The following COBLL1 variants were observed in gnomAD, a reference collection of about 807,000 sequenced individuals.
The protein encoded by COBLL1 is cordon-bleu protein-like 1.
In COBLL1, 50 loss-of-function variants were observed where a neutral mutation model predicts 94.8. The observed-to-expected ratio is 0.53, with a 90% CI of 0.42 to 0.67. The LOEUF (loss-of-function observed/expected upper bound fraction) is 0.67, where lower values mean the gene tolerates loss of function less well. Among genes scored for constraint, COBLL1 ranks in the 30% least tolerant of loss-of-function variants. The pLI is 0.00. For missense variants in COBLL1, 1,362 were observed against 1,348.7 expected, an observed-to-expected ratio of 1.01 and a Z score of -0.15; for synonymous variants, 448 against 473.8, an observed-to-expected ratio of 0.95 and a Z score of 0.71.
chr2:164,834,252 G>A (rs956949310), intron 2 of COBLL1, among the ~76,000 whole-genome samples: 4 of 152,084 alleles, frequency 2.6e-5, no homozygotes, highest in African/African-American at 9.7e-5. Context: ...TCTACCTTTG[G>A]TCCATTTCCT....
At chr2:164,822,719 T>A (rs1685223958) in intron 2 of COBLL1, among the ~76,000 whole-genome samples, 1 of 137,092 alleles carries the variant, frequency 7.3e-6, no homozygotes. Flanking sequence ...GTAAGCTCTC[T>A]GAAAAGATTA....
intron 7 of COBLL1, among the ~76,000 whole-genome samples, chr2:164,710,469 A>G (rs576260933): frequency 6.2e-4 from 94 of 152,316 alleles, no homozygotes; most frequent in African/African-American, 2.2e-3. Context: ...TTTAAGTAAT[A>G]TTTAAGTAAT....
At chr2:164,736,834 G>T (rs1483734650) in intron 3 of COBLL1, among the ~76,000 whole-genome samples, 2 of 152,146 alleles carry the variant, frequency 1.3e-5, no homozygotes, top group Admixed American at 1.3e-4. Context: ...TGCACATATA[G>T]ATGGGTGTAC....
At chr2:164,721,687 A>T (rs929422212) in intron 7 of COBLL1, 1 of 153,338 alleles carries the variant, frequency 6.5e-6, no homozygotes, top group Non-Finnish European at 1.5e-5. Context: ...CAACTCAAAG[A>T]CTGTGTTACT....
At chr2:164,699,273 A>G (rs1684111802) in intron 11 of COBLL1, 132 bp downstream of exon 11, 1 of 666,816 alleles carries the variant, frequency 1.5e-6, no homozygotes, top group Admixed American at 2.2e-5. Flanking sequence ...AGTACCCATA[A>G]TATCCATAAA....
intron 13 of COBLL1, among the ~76,000 whole-genome samples, chr2:164,690,251 CATTTTTAGTGAA>C (rs1368159515): frequency 6.6e-6 from 1 of 151,924 alleles, no homozygotes; most frequent in African/African-American, 2.4e-5. Flanking sequence ...ATACTATGTC[CATTTTTAGTGAA>C]ATGAGATGGA....
intron 1 of COBLL1, among the ~76,000 whole-genome samples, chr2:164,668,510 C>T (rs918590751): frequency 6.6e-6 from 1 of 152,204 alleles, no homozygotes; most frequent in Non-Finnish European, 1.5e-5. Context: ...TGCTGTCTTA[C>T]ATTTTACAAT....
chr2:164,786,194 T>G (rs1688947624), intron 2 of COBLL1, among the ~76,000 whole-genome samples: 1 of 152,216 alleles, frequency 6.6e-6, no homozygotes, highest in African/African-American at 2.4e-5. Context: ...ACACTCTGTT[T>G]GGAGTCTTTT....
At chr2:164,788,223 G>A (rs1050440371) in intron 2 of COBLL1, among the ~76,000 whole-genome samples, 3 of 152,106 alleles carry the variant, frequency 2.0e-5, no homozygotes, top group Non-Finnish European at 2.9e-5. Flanking sequence ...TTGGCCACTC[G>A]GTTAAATCTA....
chr2:164,803,178 A>G (rs1265136904), intron 2 of COBLL1, among the ~76,000 whole-genome samples: 1 of 152,210 alleles, frequency 6.6e-6, no homozygotes, highest in Non-Finnish European at 1.5e-5. Context: ...TATTTTATGT[A>G]TGTCAGTTTA....
chr2:164,694,550 G>T lies in COBLL1; in HGVS notation c.2842C>A (p.Pro948Thr). The change falls in exon 12 of 14, where the codon CCT becomes ACT. Residue 948 changes from proline (P) to threonine (T), a missense_variant. Transcript: ENST00000652658. Reference protein sequence around the residue: ...VIGQAPAEASPPPIAPKPVTI... With the variant: ...VIGQAPAEASTPPIAPKPVTI... ...ACAGGTTTTGGAGCTATGGGAGGAGGGGAGGCTTCAGCAGGAGCCTGACCG... is the reference window on the plus strand; with the variant it reads ...ACAGGTTTTGGAGCTATGGGAGGAGTGGAGGCTTCAGCAGGAGCCTGACCG... 1 of 1,613,958 alleles carries T rather than the reference G, an allele frequency of 6.2e-7. No individual in the cohort carries two copies.
chr2:164,737,738 C>G (rs187733022), intron 3 of COBLL1, among the ~76,000 whole-genome samples: 122 of 152,224 alleles, frequency 8.0e-4, no homozygotes, highest in Non-Finnish European at 2.1e-4. Flanking sequence ...CAGCAAAAAT[C>G]CCACACCGAT....
At position 164,806,585 on chromosome 2, in the gene COBLL1, C is replaced by T. The variant is rs534948172; in HGVS notation, c.41+34571G>A. 3.3e-4 allele frequency among the ~76,000 whole-genome samples: 50 copies of T among 152,238 alleles called. No homozygotes were observed. In the East Asian group the frequency reaches 4.0e-3, roughly 12 times the overall value. Reference sequence around the variant, plus strand: ...TGCCTTCCTTAGATGACTTAATACGCTTGTTTCTATAAATGACCCCAGAGC... The same window carrying T: ...TGCCTTCCTTAGATGACTTAATACGTTTGTTTCTATAAATGACCCCAGAGC... On this transcript the variant is annotated intron_variant, in intron 2 of 13. Transcript: ENST00000652658.
At chr2:164,732,287 T>G (rs750771415) in intron 3 of COBLL1, among the ~76,000 whole-genome samples, 54 of 152,236 alleles carry the variant, frequency 3.5e-4, no homozygotes, top group Non-Finnish European at 4.0e-4. Context: ...TTTACATCCT[T>G]CTTTTGAGCC....
At chr2:164,771,975 A>C (rs955068486) in intron 2 of COBLL1, 7 of 152,104 alleles carry the variant, frequency 4.6e-5, no homozygotes, top group African/African-American at 1.7e-4. Flanking sequence ...ATGGTTCAGT[A>C]ATTTGCTTTC....
chr2:164,833,334 A>C (rs955989649), intron 2 of COBLL1, among the ~76,000 whole-genome samples: 2 of 152,226 alleles, frequency 1.3e-5, no homozygotes, highest in African/African-American at 4.8e-5. Context: ...AGCCTGGGCC[A>C]CAGAGCAAGA....
At chr2:164,693,852 A>G (rs1381642009) in intron 12 of COBLL1, among the ~76,000 whole-genome samples, 1 of 152,158 alleles carries the variant, frequency 6.6e-6, no homozygotes, top group Non-Finnish European at 1.5e-5. Context: ...CTAGCCTCTC[A>G]TACTATTATT....
At position 164,841,176 on chromosome 2, in the gene COBLL1, G is replaced by A; in HGVS notation, c.21C>T (p.Arg7=). 4.1e-6 allele frequency: 5 copies of A among 1,231,838 alleles called. No individual in the cohort carries two copies. The highest frequency in any genetic ancestry group is 5.1e-6 in the Non-Finnish European group (5 of 988,484). 76.3% of individuals were successfully genotyped at this position (1,231,838 alleles called of 1,614,324 possible). ...CTTACCTGGCTGGGGCGTCCTGCGG[G>A]CGCGGGGTTCGGCCGTCCATCGCCC... MDGRTP[R]PQDAPARRKP... is the part of the protein sequence containing the mutation. The change falls in exon 2 of 14, where the codon CGC becomes CGT. Residue 7 remains arginine (R), a synonymous_variant. Coordinates refer to ENST00000652658, the MANE Select transcript of COBLL1 (RefSeq NM_001365672.2). This position sits in a 1 kb window ranked among gnomAD's most constrained non-coding sequence, Gnocchi z 5.5.
chr2:164,705,017 C>T lies in COBLL1; in HGVS notation c.1085G>A (p.Arg362Gln), dbSNP rs1457948271. The change falls in exon 8 of 14, where the codon CGA becomes CAA. Residue 362 changes from arginine to glutamine, a missense_variant. Physicochemically the swap from Arg to Gln is conservative, Grantham distance 43. Coordinates refer to ENST00000652658, the MANE Select transcript of COBLL1 (RefSeq NM_001365672.2). ...TTTGGAGGGTGGGGAAGGTGCTTTT[C>T]GCTTTGTCCTTCTCAAAGATGAATT... ...AGNSSLRRTKRKAPSPPSKIP... is the reference protein window; with the variant it reads ...AGNSSLRRTKQKAPSPPSKIP... The T allele has an allele frequency of 2.9e-5, 46 of 1,605,048 alleles. No homozygotes were observed. Among genetic ancestry groups the T allele is most frequent in the Non-Finnish European group, 3.6e-5 (42 of 1,175,976 alleles).
Sources: allele counts gnomAD v4.1 joint callset (sites outside exome capture counted in the v4.1 genomes callset), GRCh38; gene constraint gnomAD v4.1.1; non-coding constraint Gnocchi (gnomAD v3.1); transcripts MANE v1.5; gene names NCBI Gene and HGNC (gene_info 2026-07-23, HGNC 2026-07-21).